SLC13A1: variants seen among roughly 807,000 people sequenced by gnomAD.
SLC13A1 encodes the protein Na(+)/sulfate cotransporter.
SLC13A1 carries 65 observed loss-of-function variants against 70.0 expected under a neutral mutation model. The ratio of observed to expected loss-of-function variants is 0.93; its 90% CI spans 0.76 to 1.14. The LOEUF (loss-of-function observed/expected upper bound fraction) is 1.14, where lower values mean the gene tolerates loss of function less well. SLC13A1 is among the 50% of genes most tolerant of loss of function. SLC13A1 has a pLI of 0.00. For synonymous variants in SLC13A1, 275 were observed against 250.5 expected (o/e 1.10, Z -0.92); for missense variants, 726 against 717.8 (o/e 1.01, Z -0.13).
intron 1 of SLC13A1, among the ~76,000 whole-genome samples, chr7:123,196,253 C>T (rs1796175825): frequency 6.6e-6 from 1 of 152,026 alleles, no homozygotes; most frequent in East Asian, 1.9e-4. Context: ...TGATCATTAA[C>T]TACTAATTGG....
intron 7 of SLC13A1, among the ~76,000 whole-genome samples, chr7:123,135,086 G>A (rs990017846): frequency 2.0e-5 from 3 of 152,100 alleles, no homozygotes; most frequent in Non-Finnish European, 4.4e-5. Flanking sequence ...AGCAACCATC[G>A]AACCAGGTAT....
intron 7 of SLC13A1, among the ~76,000 whole-genome samples, chr7:123,142,058 T>C (rs1176600171): frequency 2.6e-5 from 4 of 152,190 alleles, no homozygotes; most frequent in African/African-American, 9.6e-5. Flanking sequence ...TGAGTTTCTC[T>C]AGTGATATGG....
At chr7:123,171,442 A>G (rs1485181186) in intron 3 of SLC13A1, among the ~76,000 whole-genome samples, 2 of 152,242 alleles carry the variant, frequency 1.3e-5, no homozygotes, top group Admixed American at 1.3e-4. Flanking sequence ...AGATCGGAGG[A>G]AAATCTACTC....
chr7:123,129,573 C>G (rs13310349), intron 8 of SLC13A1, 92 bp from the exon 9 acceptor site: 1 of 900,680 alleles, frequency 1.1e-6, no homozygotes. Flanking sequence ...GTCATCTTCA[C>G]GCAATATGAA....
chr7:123,131,085 T>G (rs1272432128), intron 8 of SLC13A1, among the ~76,000 whole-genome samples: 1 of 152,202 alleles, frequency 6.6e-6, no homozygotes, highest in African/African-American at 2.4e-5. Flanking sequence ...AAAGGACATT[T>G]TCTTTCGTAA....
intron 2 of SLC13A1, 65 bp downstream of exon 2, chr7:123,180,907 CT>C: frequency 6.6e-7 from 1 of 1,522,056 alleles, no homozygotes; most frequent in South Asian, 1.2e-5. Flanking sequence ...TTAAAAATAA[CT>C]TTTCTCAATG....
intron 6 of SLC13A1, among the ~76,000 whole-genome samples, chr7:123,165,428 C>A (rs181373000): frequency 6.6e-6 from 1 of 152,110 alleles, no homozygotes; most frequent in African/African-American, 2.4e-5. Context: ...GTTATTCTTA[C>A]CTCTGAGTTC....
intron 7 of SLC13A1, 59 bp downstream of exon 7, chr7:123,147,100 A>T (rs1331769424): frequency 6.5e-7 from 1 of 1,539,636 alleles, no homozygotes; most frequent in Non-Finnish European, 8.8e-7. Context: ...GGTAAGAATA[A>T]TTTTTATAAT....
At chr7:123,177,388 G>A (rs1225337716) in intron 2 of SLC13A1, among the ~76,000 whole-genome samples, 1 of 151,996 alleles carries the variant, frequency 6.6e-6, no homozygotes, top group Admixed American at 6.6e-5. Context: ...TTTCTGTCTT[G>A]TTTCTCAACA....
chr7:123,119,624 C>T (rs771744172), intron 12 of SLC13A1, among the ~76,000 whole-genome samples: 17 of 151,858 alleles, frequency 1.1e-4, no homozygotes, highest in Non-Finnish European at 2.9e-5. Flanking sequence ...AACTTTCAAC[C>T]CTTATTAGCC....
At chr7:123,142,996 G>A (rs1794212051) in intron 7 of SLC13A1, among the ~76,000 whole-genome samples, 1 of 152,016 alleles carries the variant, frequency 6.6e-6, no homozygotes. Context: ...TTTCATTCTG[G>A]CCCAGGGTGT....
chr7:123,176,746 C>T (rs1270735290), intron 2 of SLC13A1, among the ~76,000 whole-genome samples: 1 of 152,126 alleles, frequency 6.6e-6, no homozygotes, highest in Non-Finnish European at 1.5e-5. Context: ...ATCTTCAAAA[C>T]ATTTGCTTCA....
chr7:123,141,202 A>G (rs1457156939), intron 7 of SLC13A1, among the ~76,000 whole-genome samples: 1 of 152,116 alleles, frequency 6.6e-6, no homozygotes, highest in Admixed American at 6.5e-5. Context: ...TTTAATTTTC[A>G]TATGCTTTTA....
At chr7:123,194,906 T>C (rs1298956132) in intron 1 of SLC13A1, among the ~76,000 whole-genome samples, 1 of 152,130 alleles carries the variant, frequency 6.6e-6, no homozygotes, top group African/African-American at 2.4e-5. Flanking sequence ...TGGAAGATGA[T>C]GAATCCTTAG....
At chr7:123,182,604 A>G (rs544489425) in intron 1 of SLC13A1, among the ~76,000 whole-genome samples, 1 of 152,202 alleles carries the variant, frequency 6.6e-6, no homozygotes, top group African/African-American at 2.4e-5. Context: ...TGGAGCACCA[A>G]TCTATGAGGG....
intron 6 of SLC13A1, among the ~76,000 whole-genome samples, chr7:123,155,650 C>A (rs538440149): frequency 6.6e-6 from 1 of 152,134 alleles, no homozygotes; most frequent in East Asian, 1.9e-4. Flanking sequence ...GCTCTGCACT[C>A]GTATTTTGGG....
intron 6 of SLC13A1, among the ~76,000 whole-genome samples, chr7:123,155,806 G>A (rs563901627): frequency 4.6e-5 from 7 of 151,994 alleles, no homozygotes; most frequent in South Asian, 2.1e-4. Flanking sequence ...GCTGACACCC[G>A]AAAGGCATAG....
chr7:123,152,352 G>A (rs1017401854), intron 6 of SLC13A1, among the ~76,000 whole-genome samples: 1 of 151,818 alleles, frequency 6.6e-6, no homozygotes, highest in Non-Finnish European at 1.5e-5. Flanking sequence ...TCATTTTGGG[G>A]GTACATATAT....
chr7:123,134,319 A>G, intron 8 of SLC13A1, 91 bp downstream of exon 8: 1 of 1,213,392 alleles, frequency 8.2e-7, no homozygotes. Flanking sequence ...GGTAGCCTGC[A>G]TGGCATAGGG....
Sources: gnomAD v4.1 joint callset for allele counts (sites outside exome capture counted in the v4.1 genomes callset) on GRCh38, gnomAD v4.1.1 for gene constraint, MANE v1.5 for transcripts, NCBI Gene and HGNC (gene_info 2026-07-23, HGNC 2026-07-21) for gene names.